Variants in GALNT1 observed in about 807,000 individuals in gnomAD.
GALNT1 encodes the protein GalNAc transferase 1.
Under a neutral mutation model 65.7 loss-of-function variants are expected in GALNT1, and 17 were observed. The observed-to-expected ratio is 0.26, with a 90% CI of 0.18 to 0.39. The LOEUF is 0.39. Among genes scored for constraint, GALNT1 ranks in the 10% least tolerant of loss-of-function variants. The pLI is 1.00. For synonymous variants in GALNT1, 210 were observed against 219.7 expected, an observed-to-expected ratio of 0.96 and a Z score of 0.39; for missense variants, 460 against 672.8, an observed-to-expected ratio of 0.68 and a Z score of 3.50.
At chr18:35,585,421 T>C (rs1277189757) in intron 1 of GALNT1, among the ~76,000 whole-genome samples, 2 of 152,234 alleles carry the variant, frequency 1.3e-5, no homozygotes, top group African/African-American at 4.8e-5. Flanking sequence ...CTTGAGTGTA[T>C]GGTGTTTAAG....
intron 1 of GALNT1, among the ~76,000 whole-genome samples, chr18:35,628,137 G>C (rs1428075349): frequency 6.6e-6 from 1 of 152,200 alleles, no homozygotes; most frequent in Admixed American, 6.5e-5. Flanking sequence ...CTCCACCTCT[G>C]GGGGCAGGGC....
At chr18:35,584,810 C>T (rs756175091) in intron 1 of GALNT1, among the ~76,000 whole-genome samples, 11 of 152,108 alleles carry the variant, frequency 7.2e-5, no homozygotes, top group South Asian at 4.1e-4. Flanking sequence ...GTGATCTGAC[C>T]GGAAGGAGGT....
chr18:35,590,696 A>G (rs2046432948), intron 1 of GALNT1, among the ~76,000 whole-genome samples: 1 of 152,020 alleles, frequency 6.6e-6, no homozygotes, highest in Non-Finnish European at 1.5e-5. Flanking sequence ...TTCTGGGACT[A>G]TTGAAACTCT....
At chr18:35,682,908 TAAAAA>T (rs34199709) in intron 4 of GALNT1, among the ~76,000 whole-genome samples, 4 of 118,486 alleles carry the variant, frequency 3.4e-5, no homozygotes, top group Admixed American at 8.9e-5. Context: ...GCCCCCTGAT[TAAAAA>T]AAAAAAAAAA....
In GALNT1 at chr18:35,709,904, T is replaced by G. The variant is rs2048328030; in HGVS notation, c.*134T>G. The G allele has an allele frequency of 4.8e-6, 5 of 1,046,060 alleles. No individual in the cohort carries two copies. The highest frequency in any genetic ancestry group is 5.4e-6 in the Non-Finnish European group (4 of 739,622). 64.8% of individuals were successfully genotyped at this position (1,046,060 alleles called of 1,614,324 possible). ...GCAGGATGTAAGGTTTATCAGCCAT[T>G]AAAACTTAGACTTCTCTAGCTTTTC... On this transcript the variant is annotated 3_prime_UTR_variant, in exon 12 of 12. Coordinates refer to ENST00000269195, the MANE Select transcript of GALNT1 (RefSeq NM_020474.4).
At chr18:35,602,682 C>T (rs987638401) in intron 1 of GALNT1, among the ~76,000 whole-genome samples, 6 of 152,110 alleles carry the variant, frequency 3.9e-5, no homozygotes, top group African/African-American at 7.2e-5. Context: ...TTCTCAGTTC[C>T]AGGATTTCTA....
chr18:35,703,670 T>C, intron 11 of GALNT1, 27 bp downstream of exon 11: 1 of 1,608,912 alleles, frequency 6.2e-7, no homozygotes, highest in South Asian at 1.1e-5. Flanking sequence ...CCTATAGTAA[T>C]AAAATTATGT....
chr18:35,624,323 T>G (rs1209203886), intron 1 of GALNT1, among the ~76,000 whole-genome samples: 1 of 152,244 alleles, frequency 6.6e-6, no homozygotes, highest in Non-Finnish European at 1.5e-5. Flanking sequence ...TTCTTGAGTT[T>G]CAGTAACTCT....
chr18:35,606,902 A>G (rs1022376276), intron 1 of GALNT1, among the ~76,000 whole-genome samples: 5 of 149,822 alleles, frequency 3.3e-5, no homozygotes, highest in African/African-American at 1.2e-4. Context: ...GATTGTGACC[A>G]TCCACTGTGA....
At chr18:35,588,383 G>A (rs752284195) in intron 1 of GALNT1, among the ~76,000 whole-genome samples, 2 of 151,994 alleles carry the variant, frequency 1.3e-5, no homozygotes, top group Non-Finnish European at 2.9e-5. Context: ...TTTAGTTTTC[G>A]AAAGTTTTAT....
chr18:35,598,913 T>G (rs2046540782), intron 1 of GALNT1, among the ~76,000 whole-genome samples: 1 of 151,972 alleles, frequency 6.6e-6, no homozygotes, highest in African/African-American at 2.4e-5. Flanking sequence ...GTCCTTGTAG[T>G]AAAAAGCTAT....
chr18:35,703,282 A>G (rs1361820087), intron 10 of GALNT1, among the ~76,000 whole-genome samples: 2 of 152,176 alleles, frequency 1.3e-5, no homozygotes, highest in Admixed American at 1.3e-4. Flanking sequence ...GTGTATACAG[A>G]GAGCTCAAGG....
intron 11 of GALNT1, among the ~76,000 whole-genome samples, chr18:35,704,476 T>G (rs1324795755): frequency 6.6e-6 from 1 of 151,820 alleles, no homozygotes; most frequent in Non-Finnish European, 1.5e-5. Context: ...GCCTGGCTAA[T>G]TTTTGTAATT....
chr18:35,603,063 T>C (rs1045553082), intron 1 of GALNT1, among the ~76,000 whole-genome samples: 1 of 152,228 alleles, frequency 6.6e-6, no homozygotes, highest in Non-Finnish European at 1.5e-5. Context: ...TTTTTGGCAC[T>C]GCATGGTGCC....
intron 3 of GALNT1, among the ~76,000 whole-genome samples, chr18:35,667,381 A>G (rs1295645589): frequency 6.6e-6 from 1 of 152,216 alleles, no homozygotes; most frequent in African/African-American, 2.4e-5. Flanking sequence ...TTAGAAGCAT[A>G]TTCTCCAGCC....
At chr18:35,699,248 A>C (rs2048115540) in intron 9 of GALNT1, among the ~76,000 whole-genome samples, 1 of 152,236 alleles carries the variant, frequency 6.6e-6, no homozygotes, top group Non-Finnish European at 1.5e-5. Flanking sequence ...CCATCCTGTC[A>C]GTAGATACCT....
At chr18:35,584,192 C>G (rs556395281) in intron 1 of GALNT1, among the ~76,000 whole-genome samples, 1 of 152,332 alleles carries the variant, frequency 6.6e-6, no homozygotes, top group East Asian at 1.9e-4. Flanking sequence ...GCTTTCCATA[C>G]TCATTCTCAT....
intron 1 of GALNT1, among the ~76,000 whole-genome samples, chr18:35,620,627 T>C (rs1178859401): frequency 3.9e-5 from 6 of 152,228 alleles, no homozygotes; most frequent in Non-Finnish European, 8.8e-5. Context: ...GTTTTAAAGC[T>C]GTATATTAAT....
At chr18:35,637,618 A>G (rs2047108046) in intron 1 of GALNT1, among the ~76,000 whole-genome samples, 1 of 152,222 alleles carries the variant, frequency 6.6e-6, no homozygotes, top group African/African-American at 2.4e-5. Flanking sequence ...CACAATGTAA[A>G]AACAAGTGTT....
Sources: gnomAD v4.1 joint callset for allele counts (sites outside exome capture counted in the v4.1 genomes callset) on GRCh38, gnomAD v4.1.1 for gene constraint, MANE v1.5 for transcripts, NCBI Gene and HGNC (gene_info 2026-07-23, HGNC 2026-07-21) for gene names.